Variants in FGD4 observed in about 807,000 individuals in gnomAD.
The protein encoded by FGD4 is FYVE, RhoGEF and PH domain containing 4, also known as FYVE, RhoGEF and PH domain-containing protein 4.
In FGD4, 42 loss-of-function variants were observed where a neutral mutation model predicts 102.0. That is an observed-to-expected ratio of 0.41 (90% CI 0.32 to 0.53). FGD4 has a LOEUF of 0.53. FGD4 is among the 20% of genes least tolerant of loss of function. The pLI is 0.21. For synonymous variants in FGD4, 380 were observed against 375.7 expected, an observed-to-expected ratio of 1.01 and a Z score of -0.13; for missense variants, 902 against 1,078.2, an observed-to-expected ratio of 0.84 and a Z score of 2.29.
intron 11 of FGD4, among the ~76,000 whole-genome samples, chr12:32,623,462 C>A (rs986289207): frequency 1.3e-5 from 2 of 152,142 alleles, no homozygotes; most frequent in African/African-American, 4.8e-5. Flanking sequence ...CCTGGCACAT[C>A]ATGGTGTTCA....
chr12:32,547,199 A>G (rs1386410412), intron 1 of FGD4, among the ~76,000 whole-genome samples: 1 of 152,128 alleles, frequency 6.6e-6, no homozygotes, highest in African/African-American at 2.4e-5. Flanking sequence ...GCACTTTGGG[A>G]GGCCAAGGCA....
chr12:32,530,920 A>G (rs1255455258), intron 1 of FGD4, among the ~76,000 whole-genome samples: 1 of 142,860 alleles, frequency 7.0e-6, no homozygotes, highest in Non-Finnish European at 1.5e-5. Context: ...ACTATCTATG[A>G]CAATCAGTTT....
At chr12:32,590,141 C>A (rs149164698) in intron 4 of FGD4, among the ~76,000 whole-genome samples, 67 of 152,030 alleles carry the variant, frequency 4.4e-4, no homozygotes, top group African/African-American at 1.4e-3. Flanking sequence ...AACCTCGTCT[C>A]TACTAAAAAT....
intron 1 of FGD4, chr12:32,502,348 C>T (rs936523152): frequency 2.0e-6 from 2 of 985,080 alleles, no homozygotes; most frequent in Admixed American, 6.2e-5. Flanking sequence ...GGTAAGTAAC[C>T]CTAGTAATAT....
Position 32,610,802 on chromosome 12 carries a change from G to A in FGD4, c.1570G>A (p.Ala524Thr), listed in dbSNP as rs1405864425. 1.9e-6 allele frequency: 3 copies of A among 1,613,362 alleles called. No individual in the cohort carries two copies. The highest frequency in any genetic ancestry group is 2.2e-5 in the East Asian group (1 of 44,806). ...KKSLEIISTAASHSNSAIRKM... is the reference protein window; with the variant it reads ...KKSLEIISTATSHSNSAIRKM... Reference sequence around the variant, plus strand: ...ATCACTTGAAATTATATCTACAGCAGCAAGCCATTCTAATAGTGCAATAAG... The same window carrying A: ...ATCACTTGAAATTATATCTACAGCAACAAGCCATTCTAATAGTGCAATAAG... The change falls in exon 9 of 17, where the codon GCA becomes ACA. Residue 524 changes from alanine to threonine, a missense_variant. By Grantham distance (58) the Ala-to-Thr change is moderately conservative. This residue lies in a region of FGD4 where 459 missense variants were observed against 619.0 expected (regional missense o/e 0.74). Coordinates refer to ENST00000534526, the MANE Select transcript of FGD4 (RefSeq NM_001370298.3).
intron 1 of FGD4, among the ~76,000 whole-genome samples, chr12:32,556,654 C>T (rs11052067): frequency 0.063 from 9,497 of 151,834 alleles, 440 homozygotes; most frequent in Admixed American, 0.13. Context: ...GTCAGGAGTT[C>T]GAGACCAGCC....
chr12:32,519,784 A>G (rs1940312037), intron 1 of FGD4, among the ~76,000 whole-genome samples: 1 of 152,070 alleles, frequency 6.6e-6, no homozygotes, highest in African/African-American at 2.4e-5. Context: ...CTAAAAAAGA[A>G]AAAAATACAA....
chr12:32,605,278 C>T (rs1948705224), intron 7 of FGD4, among the ~76,000 whole-genome samples: 1 of 151,910 alleles, frequency 6.6e-6, no homozygotes, highest in South Asian at 2.1e-4. Flanking sequence ...CCAGTCTCTT[C>T]ATTCAGCTGT....
intron 1 of FGD4, among the ~76,000 whole-genome samples, chr12:32,468,782 GA>G (rs1246031031): frequency 6.6e-6 from 1 of 152,178 alleles, no homozygotes; most frequent in Non-Finnish European, 1.5e-5. Flanking sequence ...TGTAGAAAGT[GA>G]AGTTCTCACC....
chr12:32,453,633 A>G (rs1942871396), intron 1 of FGD4, among the ~76,000 whole-genome samples: 1 of 152,202 alleles, frequency 6.6e-6, no homozygotes. Context: ...GTGTTCAGAC[A>G]GATAATTAAC....
chr12:32,453,220 AATATAGATATATATATATTT>A lies in FGD4; in HGVS notation c.166+53262_166+53281del, dbSNP rs1565749118. 6.6e-4 allele frequency among the ~76,000 whole-genome samples: 35 copies of A among 52,770 alleles called. No homozygotes were observed. In the East Asian group the frequency reaches 0.01, roughly 15 times the overall value. 34.6% of individuals were successfully genotyped at this position (52,770 alleles called of 152,430 possible). On this transcript the variant is annotated intron_variant, in intron 1 of 16. Coordinates refer to ENST00000534526, the MANE Select transcript of FGD4 (RefSeq NM_001370298.3). Reference sequence around the variant, plus strand: ...ATATATTATATATATATATATATATAATATAGATATATATATATTTTTTTTTTTTTAAATGTAGAGCCTCA... The same window carrying A: ...ATATATTATATATATATATATATATATTTTTTTTTTAAATGTAGAGCCTCA...
At chr12:32,415,548 G>A (rs1256241490) in intron 1 of FGD4, among the ~76,000 whole-genome samples, 5 of 150,014 alleles carry the variant, frequency 3.3e-5, no homozygotes, top group Middle Eastern at 3.2e-3. Flanking sequence ...TCAGCCTCCT[G>A]AGTAGCTGGG....
chr12:32,410,006 CAA>C (rs35504493), intron 1 of FGD4, among the ~76,000 whole-genome samples: 226 of 108,862 alleles, frequency 2.1e-3, no homozygotes, highest in African/African-American at 3.9e-3. Context: ...TCTTGTCTCT[CAA>C]AAAAAAAAAA....
At chr12:32,514,983 T>C (rs190460002) in intron 1 of FGD4, among the ~76,000 whole-genome samples, 65 of 152,228 alleles carry the variant, frequency 4.3e-4, no homozygotes, top group African/African-American at 1.4e-3. Flanking sequence ...TCCCAAAGTG[T>C]TGAGATTAAA....
chr12:32,464,009 T>C (rs1943180876), intron 1 of FGD4, among the ~76,000 whole-genome samples: 1 of 152,228 alleles, frequency 6.6e-6, no homozygotes, highest in African/African-American at 2.4e-5. Context: ...AGCCACTAAG[T>C]AGACAACTCA....
chr12:32,470,108 A>G (rs1179541746), intron 1 of FGD4, among the ~76,000 whole-genome samples: 3 of 152,176 alleles, frequency 2.0e-5, no homozygotes, highest in African/African-American at 7.2e-5. Context: ...ACATTTTACT[A>G]TGTGTCTGGC....
At position 32,552,434 on chromosome 12, in the gene FGD4, ATTT is replaced by A. The variant is rs66646521; in HGVS notation, c.167-11680_167-11678del. Among the ~76,000 whole-genome samples, 746 of 120,882 alleles carry A rather than the reference ATTT, an allele frequency of 6.2e-3. 4 individuals are homozygous for A. Among genetic ancestry groups the A allele is most frequent in the African/African-American group, 0.02 (703 of 35,922 alleles). The allele number at this position is 120,882 out of a possible 152,430, so 79.3% of individuals were successfully genotyped here. ...GCCGCCATGCCCGACTAATTTTTGC[ATTT>A]TTTTTTTTTTTTTTTTTTTTTTGTA... On this transcript the variant is annotated intron_variant, in intron 1 of 16. Coordinates refer to ENST00000534526, the MANE Select transcript of FGD4 (RefSeq NM_001370298.3).
At chr12:32,517,469 A>C (rs1940014160) in intron 1 of FGD4, among the ~76,000 whole-genome samples, 1 of 152,232 alleles carries the variant, frequency 6.6e-6, no homozygotes, top group Admixed American at 6.5e-5. Flanking sequence ...TTATTAAATT[A>C]TCATTACTTT....
chr12:32,507,096 C>T (rs1266501810), intron 1 of FGD4, among the ~76,000 whole-genome samples: 1 of 115,554 alleles, frequency 8.7e-6, no homozygotes, highest in African/African-American at 3.4e-5. Context: ...CACCCCACAA[C>T]AGTCCCCAGA....
Sources: allele counts gnomAD v4.1 joint callset (sites outside exome capture counted in the v4.1 genomes callset), GRCh38; gene constraint gnomAD v4.1.1; regional missense constraint gnomAD v4.1.1; transcripts MANE v1.5; gene names NCBI Gene and HGNC (gene_info 2026-07-23, HGNC 2026-07-21).